Variants in NBAS observed in about 807,000 individuals in gnomAD.
NBAS encodes the protein NAG/BC035112 fusion.
NBAS carries 219 observed loss-of-function variants against 302.5 expected under a neutral mutation model. The observed-to-expected ratio is 0.72, with a 90% CI of 0.65 to 0.81. The LOEUF (loss-of-function observed/expected upper bound fraction) is 0.81. NBAS is among the 30% of genes least tolerant of loss of function. NBAS has a pLI of 0.00. For missense variants in NBAS, 2,932 were observed against 2,841.6 expected (o/e 1.03, Z -0.72); for synonymous variants, 1,118 against 1,021.6 (o/e 1.09, Z -1.80).
chr2:15,306,591 C>T (rs1049913806), intron 40 of NBAS, among the ~76,000 whole-genome samples: 3 of 152,110 alleles, frequency 2.0e-5, no homozygotes, highest in East Asian at 3.9e-4. Flanking sequence ...CTTTGACAGA[C>T]ACATGAAATT....
intron 28 of NBAS, among the ~76,000 whole-genome samples, chr2:15,392,793 C>A (rs1675672739): frequency 6.6e-6 from 1 of 151,630 alleles, no homozygotes; most frequent in South Asian, 2.1e-4. Context: ...ACTGCAAAGG[C>A]CCTATAATAA....
At chr2:15,504,823 C>G (rs1661765034) in intron 10 of NBAS, among the ~76,000 whole-genome samples, 1 of 152,132 alleles carries the variant, frequency 6.6e-6, no homozygotes, top group African/African-American at 2.4e-5. Context: ...AAAACTTAAA[C>G]ATAAAACTAA....
intron 47 of NBAS, among the ~76,000 whole-genome samples, chr2:15,220,452 C>T (rs1254569208): frequency 6.6e-6 from 1 of 152,092 alleles, no homozygotes; most frequent in East Asian, 1.9e-4. Flanking sequence ...TATCATTTTC[C>T]CCAGATGATT....
intron 50 of NBAS, among the ~76,000 whole-genome samples, chr2:15,184,857 A>C (rs1224084757): frequency 6.6e-6 from 1 of 152,360 alleles, no homozygotes; most frequent in South Asian, 2.1e-4. Context: ...CAAAAGTTAC[A>C]GTAAAACCAA....
At chr2:15,166,006 C>T (rs1254819093), downstream of NBAS, among the ~76,000 whole-genome samples, 2 of 152,154 alleles carry the variant, frequency 1.3e-5, no homozygotes, top group Non-Finnish European at 2.9e-5. Context: ...GGATGCTCTC[C>T]CCCAGCTGTG....
the NBAS span, among the ~76,000 whole-genome samples, chr2:14,867,069 CAG>C: frequency 6.6e-6 from 1 of 152,088 alleles, no homozygotes; most frequent in African/African-American, 2.4e-5. Context: ...GAAAAGCAAA[CAG>C]AATAAACTGT....
At chr2:15,466,215 G>A (rs1430713542) in intron 19 of NBAS, among the ~76,000 whole-genome samples, 1 of 152,110 alleles carries the variant, frequency 6.6e-6, no homozygotes, top group Non-Finnish European at 1.5e-5. Context: ...ATGGTCAGAC[G>A]TTCTTGGGAC....
chr2:15,417,324 C>T (rs148944484), intron 24 of NBAS, among the ~76,000 whole-genome samples: 2,873 of 152,188 alleles, frequency 0.019, 41 homozygotes, highest in Middle Eastern at 0.048. Flanking sequence ...GAGTAAAGGG[C>T]AAGCAAGGTA....
At chr2:15,129,154 T>C in the NBAS span, among the ~76,000 whole-genome samples, 1 of 152,258 alleles carries the variant, frequency 6.6e-6, no homozygotes, top group Non-Finnish European at 1.5e-5. Flanking sequence ...TCTTCTAGCC[T>C]ACCCAGCAAT....
intron 51 of NBAS, 126 bp downstream of exon 51, chr2:15,178,862 G>A (rs550908780): frequency 7.5e-7 from 1 of 1,337,018 alleles, no homozygotes; most frequent in African/African-American, 1.5e-5. Flanking sequence ...ATTGTGGTCA[G>A]AGAATACTAT....
chr2:15,405,452 A>G (rs1453208098), intron 25 of NBAS, among the ~76,000 whole-genome samples: 1 of 151,870 alleles, frequency 6.6e-6, no homozygotes, highest in Non-Finnish European at 1.5e-5. Context: ...TTTTTTCATT[A>G]TTCCTTCCCT....
In NBAS at chr2:15,534,523, G is replaced by A; in HGVS notation, c.746+20C>T. 6.6e-7 allele frequency: 1 copy of A among 1,516,472 alleles called. No homozygotes were observed. Among genetic ancestry groups the A allele is most frequent in the Non-Finnish European group, 9.2e-7 (1 of 1,090,050 alleles). The allele number at this position is 1,516,472 out of a possible 1,614,324, so 93.9% of individuals were successfully genotyped here. The stretch of plus-strand genomic sequence containing the variant: ...AACATTTCTATGTCCCACTAAATAT[G>A]AGAACAAATGGTTACTTACCTGTGA... On this transcript the variant is annotated intron_variant, in intron 9 of 51. Coordinates refer to ENST00000281513, the MANE Select transcript of NBAS (RefSeq NM_015909.4).
chr2:14,930,496 C>T, the NBAS span, among the ~76,000 whole-genome samples: 1 of 152,062 alleles, frequency 6.6e-6, no homozygotes, highest in Non-Finnish European at 1.5e-5. Context: ...GCAAAGCCAT[C>T]CAAGGTCAAG....
intron 44 of NBAS, among the ~76,000 whole-genome samples, chr2:15,253,354 T>C (rs993341305): frequency 6.6e-6 from 1 of 152,078 alleles, no homozygotes; most frequent in African/African-American, 2.4e-5. Flanking sequence ...TCCCAAGCTA[T>C]ACCTGCAAAA....
chr2:15,505,557 T>A (rs1661806248), intron 10 of NBAS, among the ~76,000 whole-genome samples: 1 of 152,100 alleles, frequency 6.6e-6, no homozygotes, highest in African/African-American at 2.4e-5. Context: ...CCACGCCCCC[T>A]CCTGCCACCA....
rs890653611 is a variant in NBAS at position 15,475,744 on chromosome 2, C to T, written c.1284G>A (p.Trp428Ter). ...CAGTGACTTGAGGTGATGGTTCAAACCATTCACAGGATTTTCCCAGTAAAT... is the reference window on the plus strand; with the variant it reads ...CAGTGACTTGAGGTGATGGTTCAAATCATTCACAGGATTTTCCCAGTAAAT... Reference protein sequence around the residue: ...LKNLLGKSCEWFEPSPQVTAT... With the variant: ...LKNLLGKSCE Residue 428 changes from tryptophan (W) to a stop codon, truncating the protein, a stop_gained, in exon 14 of 52, where the codon TGG becomes TGA. Transcript: ENST00000281513. LOFTEE classifies it high-confidence loss of function. 1 of 1,614,104 alleles carries T rather than the reference C, an allele frequency of 6.2e-7. No individual in the cohort carries two copies. The highest frequency in any genetic ancestry group is 1.7e-5 in the Admixed American group (1 of 60,028).
chr2:15,526,153 G>A (rs1662903229), intron 9 of NBAS, among the ~76,000 whole-genome samples: 1 of 152,284 alleles, frequency 6.6e-6, no homozygotes, highest in Non-Finnish European at 1.5e-5. Flanking sequence ...AGATGGCAGC[G>A]AGGTGTTGGG....
chr2:15,433,324 A>T (rs1008138404), intron 21 of NBAS, among the ~76,000 whole-genome samples: 21 of 152,158 alleles, frequency 1.4e-4, no homozygotes, highest in Admixed American at 1.2e-3. Flanking sequence ...GCTCATTTGG[A>T]TTAGGAGAAA....
chr2:15,185,971 G>A (rs1241707603), intron 50 of NBAS, among the ~76,000 whole-genome samples: 1 of 152,016 alleles, frequency 6.6e-6, no homozygotes, highest in East Asian at 1.9e-4. Context: ...TTTAAGACAT[G>A]TAAATTATTC....
Sources: allele counts gnomAD v4.1 joint callset (sites outside exome capture counted in the v4.1 genomes callset), GRCh38; gene constraint gnomAD v4.1.1; transcripts MANE v1.5; gene names NCBI Gene and HGNC (gene_info 2026-07-23, HGNC 2026-07-21).